STK33: variants seen among roughly 807,000 people sequenced by gnomAD.
STK33 encodes the protein serine/threonine kinase 33, also known as serine/threonine-protein kinase 33.
STK33 carries 52 observed loss-of-function variants against 58.0 expected under a neutral mutation model. That is an observed-to-expected ratio of 0.90 (90% CI 0.72 to 1.13). The LOEUF is 1.13. Ranked by LOEUF, STK33 falls within the 50% of genes most tolerant of loss-of-function variation. STK33 has a pLI of 0.00. For synonymous variants in STK33, 215 were observed against 200.1 expected, an observed-to-expected ratio of 1.07 and a Z score of -0.63; for missense variants, 630 against 604.2, an observed-to-expected ratio of 1.04 and a Z score of -0.45.
intron 12 of STK33, among the ~76,000 whole-genome samples, chr11:8,436,724 G>T (rs1312742792): frequency 1.3e-5 from 2 of 152,166 alleles, no homozygotes; most frequent in African/African-American, 2.4e-5. Context: ...TTGAGATGGA[G>T]TCTCACTCTG....
chr11:8,590,598 A>G (rs1052656273), intron 1 of STK33, among the ~76,000 whole-genome samples: 2 of 152,252 alleles, frequency 1.3e-5, no homozygotes, highest in African/African-American at 4.8e-5. Flanking sequence ...TATTAAAATT[A>G]CTGCCCCTCA....
Position 8,410,064 on chromosome 11 carries a change from T to C in STK33, c.1344+3431A>G, listed in dbSNP as rs535962387. Among the ~76,000 whole-genome samples, 227 of 152,300 alleles carry C rather than the reference T, an allele frequency of 1.5e-3. 2 individuals carry two copies. The highest frequency in any genetic ancestry group is 5.3e-3 in the African/African-American group (221 of 41,560). ...GCTTCAATACTGGGATAAGAAAGTG[T>C]GCCACAATTATGCAAGTACTGTCAC... On this transcript the variant is annotated intron_variant, in intron 15 of 15. Transcript: ENST00000687296.
intron 1 of STK33, among the ~76,000 whole-genome samples, chr11:8,515,132 A>C (rs1391928966): frequency 6.6e-6 from 1 of 152,174 alleles, no homozygotes; most frequent in Non-Finnish European, 1.5e-5. Flanking sequence ...TATTGAAAAG[A>C]ATACAAGAGA....
At chr11:8,560,045 A>G (rs1957018081) in intron 1 of STK33, among the ~76,000 whole-genome samples, 1 of 152,152 alleles carries the variant, frequency 6.6e-6, no homozygotes, top group Non-Finnish European at 1.5e-5. Context: ...GTCCATATCA[A>G]TAGTCAAGTA....
chr11:8,469,215 C>G (rs1948535951), intron 6 of STK33, among the ~76,000 whole-genome samples: 1 of 152,222 alleles, frequency 6.6e-6, no homozygotes, highest in Admixed American at 6.5e-5. Context: ...TCTTTCAAAA[C>G]TGAAGTTAGT....
chr11:8,373,473 T>A, the STK33 span, among the ~76,000 whole-genome samples: 1 of 152,058 alleles, frequency 6.6e-6, no homozygotes, highest in Non-Finnish European at 1.5e-5. Flanking sequence ...GCCTGGGAGC[T>A]GCGAGGAAGA....
chr11:8,526,579 T>A (rs909857665), intron 1 of STK33, among the ~76,000 whole-genome samples: 29 of 152,102 alleles, frequency 1.9e-4, no homozygotes, highest in African/African-American at 6.5e-4. Context: ...AGCAGGATAA[T>A]TCATAGCAAT....
At chr11:8,581,081 T>G (rs1317858514) in intron 1 of STK33, 2 of 152,184 alleles carry the variant, frequency 1.3e-5, no homozygotes, top group African/African-American at 4.8e-5. Context: ...GGTATCTGCC[T>G]CTTCATTCAT....
chr11:8,557,919 A>G (rs1020828318), intron 1 of STK33, among the ~76,000 whole-genome samples: 4 of 152,238 alleles, frequency 2.6e-5, no homozygotes, highest in Admixed American at 6.5e-5. Flanking sequence ...TTAGCAATGT[A>G]ATGAACCTTA....
chr11:8,584,319 C>T (rs1369995115), intron 1 of STK33, among the ~76,000 whole-genome samples: 1 of 152,108 alleles, frequency 6.6e-6, no homozygotes, highest in Non-Finnish European at 1.5e-5. Context: ...AGAACAAAGT[C>T]CTACATAAGT....
chr11:8,433,262 A>G (rs1332796200), intron 14 of STK33, among the ~76,000 whole-genome samples: 2 of 152,232 alleles, frequency 1.3e-5, no homozygotes, highest in Non-Finnish European at 2.9e-5. Context: ...AAAGAAAAAA[A>G]AAGTTATTCA....
intron 1 of STK33, among the ~76,000 whole-genome samples, chr11:8,501,317 A>G (rs1292980676): frequency 6.6e-6 from 1 of 152,192 alleles, no homozygotes; most frequent in Non-Finnish European, 1.5e-5. Context: ...TATCAAGAAC[A>G]TGTAAAGAAT....
chr11:8,438,773 T>C (rs1944375158), intron 12 of STK33, among the ~76,000 whole-genome samples: 1 of 152,242 alleles, frequency 6.6e-6, no homozygotes, highest in Non-Finnish European at 1.5e-5. Flanking sequence ...TCATGGTTTC[T>C]AGAAAGTCTT....
chr11:8,408,129 T>C (rs1939590725), intron 15 of STK33, among the ~76,000 whole-genome samples: 1 of 152,188 alleles, frequency 6.6e-6, no homozygotes, highest in Admixed American at 6.5e-5. Context: ...AAAGCACAAA[T>C]TATATCATTA....
At chr11:8,570,682 G>A (rs949524058) in intron 1 of STK33, among the ~76,000 whole-genome samples, 7 of 152,174 alleles carry the variant, frequency 4.6e-5, no homozygotes, top group African/African-American at 1.2e-4. Flanking sequence ...AGCATTCAGA[G>A]GTTACCTGAG....
chr11:8,516,562 G>A (rs774247144), intron 1 of STK33, among the ~76,000 whole-genome samples: 27 of 152,234 alleles, frequency 1.8e-4, no homozygotes, highest in African/African-American at 4.6e-4. Context: ...TGCAAGGGGC[G>A]GGGGAATTCC....
intron 1 of STK33, among the ~76,000 whole-genome samples, chr11:8,500,952 G>C (rs1951470271): frequency 2.0e-5 from 3 of 152,084 alleles, no homozygotes; most frequent in Admixed American, 2.0e-4. Context: ...GCAAAGAACA[G>C]TCTTTTCAGC....
At chr11:8,519,947 T>G (rs890948905) in intron 1 of STK33, among the ~76,000 whole-genome samples, 9 of 152,216 alleles carry the variant, frequency 5.9e-5, no homozygotes, top group African/African-American at 1.9e-4. Flanking sequence ...CTTCTGAAGC[T>G]ATTTCAATCA....
chr11:8,585,537 T>C (rs1009127810), intron 1 of STK33, among the ~76,000 whole-genome samples: 9 of 151,990 alleles, frequency 5.9e-5, no homozygotes, highest in African/African-American at 2.2e-4. Context: ...AAATGATTTT[T>C]TTAAGCTAGC....
Sources: gnomAD v4.1 joint callset for allele counts (sites outside exome capture counted in the v4.1 genomes callset) on GRCh38, gnomAD v4.1.1 for gene constraint, MANE v1.5 for transcripts, NCBI Gene and HGNC (gene_info 2026-07-23, HGNC 2026-07-21) for gene names.